NPTX1: variants seen among roughly 807,000 people sequenced by gnomAD.
NPTX1 encodes neuronal pentraxin-1.
A neutral mutation model predicts 38.7 loss-of-function variants in NPTX1; 12 were observed. That is an observed-to-expected ratio of 0.31 (90% CI 0.20 to 0.50). NPTX1 has a LOEUF of 0.50. Ranked by LOEUF, NPTX1 falls within the 20% of genes least tolerant of loss-of-function variation. NPTX1 has a pLI of 0.98. For missense variants in NPTX1, 454 were observed against 592.2 expected (o/e 0.77, Z 2.42); for synonymous variants, 272 against 264.9 (o/e 1.03, Z -0.26).
intron 4 of NPTX1, 121 bp downstream of exon 4, chr17:80,471,611 C>T (rs2083842521): frequency 2.1e-6 from 3 of 1,453,086 alleles, no homozygotes; most frequent in Non-Finnish European, 2.7e-6. Context: ...AGCCTGCTCC[C>T]CGGGCTGCTT....
chr17:80,471,068 G>A, intron 4 of NPTX1, 34 bp from the exon 5 acceptor site: 1 of 1,521,346 alleles, frequency 6.6e-7, no homozygotes, highest in African/African-American at 1.4e-5. Context: ...GAGTGGAGGG[G>A]TCGCCAGGTG....
Position 80,473,391 on chromosome 17 carries a change from T to C in NPTX1, c.706A>G (p.Thr236Ala). 6.2e-7 allele frequency: 1 copy of C among 1,614,088 alleles called. No individual in the cohort carries two copies. Among genetic ancestry groups the C allele is most frequent in the Non-Finnish European group, 8.5e-7 (1 of 1,179,970 alleles). ...DKFQLTFPLR[T>A]NYMYAKVKKS... ...TTCACCTTGGCATACATATAGTTGG[T>C]CCGCAGTGGGAATGTGAGCTGGAAC... The change falls in exon 3 of 5, where the codon ACC becomes GCC. Residue 236 changes from threonine (T) to alanine (A), a missense_variant. By Grantham distance (58) the Thr-to-Ala change is moderately conservative. Around this residue, in one of 4 missense-constraint regions of NPTX1, gnomAD observed 6 missense variants for 22.4 expected, o/e 0.27. Transcript: ENST00000306773.
chr17:80,474,808 C>CG (rs1421944044), intron 2 of NPTX1: 1 of 145,198 alleles, frequency 6.9e-6, no homozygotes, highest in Non-Finnish European at 1.5e-5. Flanking sequence ...GCACCCCCCC[C>CG]CCTCCCCTTT....
Position 80,470,612 on chromosome 17 carries a change from A to C in NPTX1, c.*201T>G. 1.9e-6 allele frequency: 1 copy of C among 528,422 alleles called. No individual in the cohort carries two copies. The highest frequency in any genetic ancestry group is 3.4e-6 in the Non-Finnish European group (1 of 293,588). 32.7% of individuals were successfully genotyped at this position (528,422 alleles called of 1,614,324 possible). On this transcript the variant is annotated 3_prime_UTR_variant, in exon 5 of 5. Transcript: ENST00000306773. The stretch of plus-strand genomic sequence containing the variant: ...GAGAGAGTCCGGGCTCCTACAGAGA[A>C]GTGGGGCTTCCTCAGGGACAGATGG...
chr17:80,476,366 C>T lies in NPTX1; in HGVS notation c.81G>A (p.Pro27=). Residue 27 remains proline (P), a synonymous_variant, in exon 1 of 5, where the codon CCG becomes CCA. Coordinates refer to ENST00000306773, the MANE Select transcript of NPTX1 (RefSeq NM_002522.4). This position sits in a 1 kb window ranked among gnomAD's most constrained non-coding sequence, Gnocchi z 6.3. The part of the protein sequence containing the change: ...LLGAGAQDFG[P]TRFICTSVPV... ...GCACCGAGGTGCAGATGAAGCGCGTCGGCCCGAAATCCTGGGCCCCGGCGC... is the reference window on the plus strand; with the variant it reads ...GCACCGAGGTGCAGATGAAGCGCGTTGGCCCGAAATCCTGGGCCCCGGCGC... 1 of 1,524,996 alleles carries T rather than the reference C, an allele frequency of 6.6e-7. No individual in the cohort carries two copies. Among genetic ancestry groups the T allele is most frequent in the Non-Finnish European group, 8.8e-7 (1 of 1,142,630 alleles). The allele number at this position is 1,524,996 out of a possible 1,614,324, so 94.5% of individuals were successfully genotyped here.
Position 80,466,918 on chromosome 17 carries a change from A to G in NPTX1, c.*3895T>C, listed in dbSNP as rs1267266107. Among the ~76,000 whole-genome samples the G allele has an allele frequency of 6.6e-6, 1 of 151,498 alleles. No homozygotes were observed. Among genetic ancestry groups the G allele is most frequent in the Non-Finnish European group, 1.5e-5 (1 of 67,862 alleles). Reference sequence around the variant, plus strand: ...GAAAATGAAAAAAAAAAAAAAAGCAAGAATACCAGTAGAAATAGTGCATTT... The same window carrying G: ...GAAAATGAAAAAAAAAAAAAAAGCAGGAATACCAGTAGAAATAGTGCATTT... On this transcript the variant is annotated 3_prime_UTR_variant, in exon 5 of 5. Transcript: ENST00000306773.
At chr17:80,473,668 T>A in intron 2 of NPTX1, 2 of 564,696 alleles carry the variant, frequency 3.5e-6, no homozygotes, top group East Asian at 6.1e-5. Flanking sequence ...AGGTCTGGCC[T>A]GCTGTCACGC....
chr17:80,471,469 A>G (rs1371195869), intron 4 of NPTX1, among the ~76,000 whole-genome samples: 1 of 152,216 alleles, frequency 6.6e-6, no homozygotes, highest in Non-Finnish European at 1.5e-5. Flanking sequence ...GAACTAGATT[A>G]TGCATCACTA....
At position 80,475,145 on chromosome 17, in the gene NPTX1, G is replaced by A. The variant is rs190334822; in HGVS notation, c.652+366C>T. ...TGAGGCTGGGGACCAGGGAGAGACA[G>A]GCTTTCTTAAGCAGGGAGGGTTTGA... On this transcript the variant is annotated intron_variant, in intron 2 of 4. Coordinates refer to ENST00000306773, the MANE Select transcript of NPTX1 (RefSeq NM_002522.4). The surrounding 1 kb of genome is among the most constrained non-coding windows in gnomAD (Gnocchi z 6.5). 3.3e-5 allele frequency among the ~76,000 whole-genome samples: 5 copies of A among 152,170 alleles called. No homozygotes were observed. The highest frequency in any genetic ancestry group is 3.3e-4 in the Admixed American group (5 of 15,270).
chr17:80,471,148 A>C (rs11869626), intron 4 of NPTX1, 114 bp from the exon 5 acceptor site: 340,852 of 758,850 alleles, frequency 0.45, 80,367 homozygotes, highest in Admixed American at 0.58. Flanking sequence ...ACTCTCACGG[A>C]CACTCCTAGG....
In NPTX1 at chr17:80,476,395, G is replaced by A. The variant is rs1259203331; in HGVS notation, c.52C>T (p.Leu18=). 6.6e-6 allele frequency: 10 copies of A among 1,512,348 alleles called. 1 individual carries two copies. Among genetic ancestry groups the A allele is most frequent in the Non-Finnish European group, 7.0e-6 (8 of 1,138,282 alleles). 93.7% of individuals were successfully genotyped at this position (1,512,348 alleles called of 1,614,324 possible). A position where few individuals can be genotyped will look rare whatever the true frequency, so the allele number is the denominator to read the frequency against. Residue 18 remains leucine (L), a synonymous_variant, in exon 1 of 5, where the codon CTG becomes TTG. Coordinates refer to ENST00000306773, the MANE Select transcript of NPTX1 (RefSeq NM_002522.4). The surrounding 1 kb of genome is among the most constrained non-coding windows in gnomAD (Gnocchi z 6.3). The part of the protein sequence containing the change: ...RTCALLALCL[L]GAGAQDFGPT... ...CCGAAATCCTGGGCCCCGGCGCCCAGGAGGCAGAGGGCGAGCAGCGCACAG... is the reference window on the plus strand; with the variant it reads ...CCGAAATCCTGGGCCCCGGCGCCCAAGAGGCAGAGGGCGAGCAGCGCACAG...
At position 80,469,121 on chromosome 17, in the gene NPTX1, T is replaced by TG. The variant is rs2083824026; in HGVS notation, c.*1691_*1692insC. The stretch of plus-strand genomic sequence containing the variant: ...GTTCTTGACACAACGTGGACCTGTG[T>TG]TTAAGGGGACAGGTGGCCCTAGAAG... On this transcript the variant is annotated 3_prime_UTR_variant, in exon 5 of 5. Transcript: ENST00000306773. The TG allele has an allele frequency of 1.3e-5, 2 of 152,332 alleles. No homozygotes were observed. Among genetic ancestry groups the TG allele is most frequent in the African/African-American group, 4.8e-5 (2 of 41,368 alleles). 9.4% of individuals were successfully genotyped at this position (152,332 alleles called of 1,614,324 possible). A position where few individuals can be genotyped will look rare whatever the true frequency, so the allele number is the denominator to read the frequency against.
Position 80,470,314 on chromosome 17 carries a change from A to C in NPTX1, c.*499T>G, listed in dbSNP as rs999146477. The C allele has an allele frequency of 6.6e-6, 1 of 152,608 alleles. No individual in the cohort carries two copies. Among genetic ancestry groups the C allele is most frequent in the Non-Finnish European group, 1.5e-5 (1 of 68,300 alleles). The allele number at this position is 152,608 out of a possible 1,614,324, so 9.5% of individuals were successfully genotyped here. On this transcript the variant is annotated 3_prime_UTR_variant, in exon 5 of 5. Coordinates refer to ENST00000306773, the MANE Select transcript of NPTX1 (RefSeq NM_002522.4). Reference sequence around the variant, plus strand: ...ATATGTCGCTCTGAGAAAGGTTTGCAAACAAAGACAAATGCGTGTACTGAG... The same window carrying C: ...ATATGTCGCTCTGAGAAAGGTTTGCCAACAAAGACAAATGCGTGTACTGAG...
chr17:80,473,065 C>T, intron 3 of NPTX1, 135 bp downstream of exon 3: 3 of 894,724 alleles, frequency 3.4e-6, no homozygotes, highest in Non-Finnish European at 5.1e-6. Context: ...CCCCCTCCCT[C>T]AGTCCCACCT....
rs1334898186 is a variant in NPTX1 at position 80,475,452 on chromosome 17, G to A, written c.652+59C>T. 1 of 1,445,172 alleles carries A rather than the reference G, an allele frequency of 6.9e-7. No individual in the cohort carries two copies. The highest frequency in any genetic ancestry group is 9.5e-7 in the Non-Finnish European group (1 of 1,051,284). 89.5% of individuals were successfully genotyped at this position (1,445,172 alleles called of 1,614,324 possible). On this transcript the variant is annotated intron_variant, in intron 2 of 4. Transcript: ENST00000306773. The surrounding 1 kb of genome is among the most constrained non-coding windows in gnomAD (Gnocchi z 6.5). ...AGCTGGGCTGTTAGGGATCGGGACC[G>A]AGGCAGGGTCGGGCAAGCAGGTGCA... is the stretch of plus-strand genomic sequence containing the variant.
Position 80,470,906 on chromosome 17 carries a change from C to T in NPTX1, c.1206G>A (p.Leu402=). 1 of 1,613,570 alleles carries T rather than the reference C, an allele frequency of 6.2e-7. No homozygotes were observed. Among genetic ancestry groups the T allele is most frequent in the East Asian group, 2.2e-5 (1 of 44,864 alleles). ...CAGCCCAGGCGATGACATTGCCGGA[C>T]AGAGCCTTGGTGCTGCAGGTGGCCA... ...YNLATCSTKA[L]SGNVIAWAES... The change falls in exon 5 of 5, where the codon CTG becomes CTA. Residue 402 remains leucine, a synonymous_variant. Transcript: ENST00000306773.
intron 2 of NPTX1, among the ~76,000 whole-genome samples, chr17:80,474,897 G>A (rs2083869664): frequency 6.6e-6 from 1 of 151,530 alleles, no homozygotes; most frequent in Non-Finnish European, 1.5e-5. Context: ...TAGACTGGCT[G>A]GCCTGAGTTG....
chr17:80,476,414 C>A lies in NPTX1; in HGVS notation c.33G>T (p.Ala11=). ...CGCCCAGGAGGCAGAGGGCGAGCAG[C>A]GCACAGGTGCGCGCGGCGCGGCCGG... is the stretch of plus-strand genomic sequence containing the variant. MPAGRAARTC[A]LLALCLLGAG... Residue 11 remains alanine (A), a synonymous_variant, in exon 1 of 5, where the codon GCG becomes GCT. Transcript: ENST00000306773. This position sits in a 1 kb window ranked among gnomAD's most constrained non-coding sequence, Gnocchi z 6.3. The A allele has an allele frequency of 7.1e-7, 1 of 1,417,634 alleles. No homozygotes were observed. Among genetic ancestry groups the A allele is most frequent in the Admixed American group, 3.7e-5 (1 of 27,156 alleles). 87.8% of individuals were successfully genotyped at this position (1,417,634 alleles called of 1,614,324 possible). A position where few individuals can be genotyped will look rare whatever the true frequency, so the allele number is the denominator to read the frequency against.
At position 80,467,368 on chromosome 17, in the gene NPTX1, AATGTGAACCAC is replaced by A. The variant is rs1190574708; in HGVS notation, c.*3434_*3444del. ...AGATTCCAAAGGATTCTATCCTCTT[AATGTGAACCAC>A]ATGTAACCCAAGGTTCTTCTATCAA... On this transcript the variant is annotated 3_prime_UTR_variant, in exon 5 of 5. Transcript: ENST00000306773. 1 of 152,646 alleles carries A rather than the reference AATGTGAACCAC, an allele frequency of 6.6e-6. No homozygotes were observed. The highest frequency in any genetic ancestry group is 2.4e-5 in the African/African-American group (1 of 41,468). 9.5% of individuals were successfully genotyped at this position (152,646 alleles called of 1,614,324 possible).
Sources: allele counts gnomAD v4.1 joint callset (sites outside exome capture counted in the v4.1 genomes callset), GRCh38; gene constraint gnomAD v4.1.1; regional missense constraint gnomAD v4.1.1; non-coding constraint Gnocchi (gnomAD v3.1); transcripts MANE v1.5; gene names NCBI Gene and HGNC (gene_info 2026-07-23, HGNC 2026-07-21).